Variants in ATP7A observed in about 807,000 individuals in gnomAD.
ATP7A encodes the protein ATPase copper transporting alpha.
ATP7A carries 7 observed loss-of-function variants against 83.5 expected under a neutral mutation model. That is an observed-to-expected ratio of 0.08 (90% CI 0.05 to 0.16). The LOEUF (loss-of-function observed/expected upper bound fraction) is 0.16, where lower values mean the gene tolerates loss of function less well. Ranked by LOEUF, ATP7A falls within the 10% of genes least tolerant of loss-of-function variation. The pLI is 1.00. For missense variants in ATP7A, 940 were observed against 1,120.8 expected, an observed-to-expected ratio of 0.84 and a Z score of 2.30; for synonymous variants, 354 against 395.2, an observed-to-expected ratio of 0.90 and a Z score of 1.24.
intron 10 of ATP7A, 46 bp from the exon 11 acceptor site, chrX:78,014,616 A>T (rs782263151): frequency 9.7e-6 from 10 of 1,032,735 alleles, no homozygotes; most frequent in Non-Finnish European, 1.4e-5. Flanking sequence ...TAAGACCTGA[A>T]CTTTTTCTTC....
At chrX:78,026,867 G>A (rs1431291715) in intron 14 of ATP7A, among the ~76,000 whole-genome samples, 8 of 111,530 alleles carry the variant, frequency 7.2e-5, no homozygotes, top group Non-Finnish European at 1.5e-4. Context: ...AATGCATTTC[G>A]GCCGGGCGCG....
At chrX:77,949,807 T>C (rs1329641788) in intron 1 of ATP7A, among the ~76,000 whole-genome samples, 1 of 112,276 alleles carries the variant, frequency 8.9e-6, no homozygotes, top group Non-Finnish European at 1.9e-5. Flanking sequence ...ATCTACATCA[T>C]TGTTTTTAAG....
At chrX:77,910,915 T>G (rs1482527980) in intron 1 of ATP7A, 80 bp downstream of exon 1, 1 of 111,949 alleles carries the variant, frequency 8.9e-6, no homozygotes, top group African/African-American at 3.3e-5. Context: ...ACGAGTGTGG[T>G]GAGAAGGTCA....
Position 77,959,979 on chromosome X carries a change from C to T in ATP7A, c.-21-11642C>T, listed in dbSNP as rs146310467. 9.6e-3 allele frequency among the ~76,000 whole-genome samples: 1,076 copies of T among 112,213 alleles called. 6 individuals carry two copies. Among genetic ancestry groups the T allele is most frequent in the South Asian group, 0.05 (136 of 2,709 alleles). ...AGATCCTGTTTCTCCATATCCTCACCGACACTTGGTATTGTCAGATTTTGA... is the reference window on the plus strand; with the variant it reads ...AGATCCTGTTTCTCCATATCCTCACTGACACTTGGTATTGTCAGATTTTGA... On this transcript the variant is annotated intron_variant, in intron 1 of 22. Coordinates refer to ENST00000341514, the MANE Select transcript of ATP7A (RefSeq NM_000052.7).
chrX:78,040,992 G>A (rs1331150629), intron 19 of ATP7A, among the ~76,000 whole-genome samples: 7 of 111,203 alleles, frequency 6.3e-5, no homozygotes, highest in Admixed American at 5.8e-4. Flanking sequence ...TGTGCCCTTT[G>A]AAATGTTGCT....
chrX:78,040,540 C>G, intron 18 of ATP7A, 51 bp from the exon 19 acceptor site: 1 of 1,176,708 alleles, frequency 8.5e-7, no homozygotes, highest in South Asian at 1.8e-5. Context: ...AAATGTTATT[C>G]TCCTTTCACT....
rs782232632 is a variant in ATP7A at position 78,046,419 on chromosome X, G to A, written c.4352G>A (p.Gly1451Asp). 5.8e-6 allele frequency: 7 copies of A among 1,209,698 alleles called. No individual in the cohort carries two copies. The highest frequency in any genetic ancestry group is 1.8e-5 in the South Asian group (1 of 56,793). ...ACCTCAAGGAATTCTCCTAAACTGG[G>A]TTTGCTGGACCGGATTGTTAATTAT... Reference protein sequence around the residue: ...DDTSRNSPKLGLLDRIVNYSR... With the variant: ...DDTSRNSPKLDLLDRIVNYSR... The change falls in exon 23 of 23, where the codon GGT becomes GAT. Residue 1451 changes from glycine (G) to aspartate (D), a missense_variant. This residue lies in a region of ATP7A where 386 missense variants were observed against 502.2 expected (regional missense o/e 0.77). Transcript: ENST00000341514.
In ATP7A at chrX:77,971,570, A is replaced by G. The variant is rs1557229664; in HGVS notation, c.-21-51A>G. 3 of 1,153,764 alleles carry G rather than the reference A, an allele frequency of 2.6e-6. No individual in the cohort carries two copies. In the Admixed American group the frequency reaches 6.5e-5, roughly 25 times the overall value. On this transcript the variant is annotated intron_variant, in intron 1 of 22. Transcript: ENST00000341514. The stretch of plus-strand genomic sequence containing the variant: ...AATTGGGGAGGTGGGGGAAAAGTTG[A>G]GGAAAGATTATTTGCATGGCTGAAA...
In ATP7A at chrX:77,998,555, A is replaced by G. The variant is rs2149087825; in HGVS notation, c.1414A>G (p.Thr472Ala). The G allele has an allele frequency of 2.5e-6, 3 of 1,211,843 alleles. No homozygotes were observed. Among genetic ancestry groups the G allele is most frequent in the Non-Finnish European group, 3.4e-6 (3 of 895,396 alleles). The change falls in exon 5 of 23, where the codon ACT (threonine) becomes GCT (alanine). Residue 472 changes from threonine to alanine, a missense_variant. By Grantham distance (58) the Thr-to-Ala change is moderately conservative. Transcript: ENST00000341514. ...PLLTSTNEFY[T>A]KGMTPVQDKE... ...TTTGACTTCAACTAATGAATTTTAT[A>G]CTAAAGGGATGACACCAGTTCAAGA...
intron 2 of ATP7A, among the ~76,000 whole-genome samples, chrX:77,977,044 C>T (rs1330575802): frequency 1.8e-5 from 2 of 111,642 alleles, no homozygotes; most frequent in Non-Finnish European, 3.8e-5. Flanking sequence ...AATTATTTTA[C>T]GTATTTATCT....
In ATP7A at chrX:77,969,382, C is replaced by T. The variant is rs62621209; in HGVS notation, c.-21-2239C>T. The T allele has an allele frequency of 0.056, 67,216 of 1,205,949 alleles. 1,571 individuals carry two copies. The highest frequency in any genetic ancestry group is 0.066 in the Non-Finnish European group (58,605 of 892,841). ...ACCCCCATAGTGCCGCTCATTGAGGCGCCAAGTCCTCACCACTGGCAGCCA... is the reference window on the plus strand; with the variant it reads ...ACCCCCATAGTGCCGCTCATTGAGGTGCCAAGTCCTCACCACTGGCAGCCA... On this transcript the variant is annotated intron_variant, in intron 1 of 22. Coordinates refer to ENST00000341514, the MANE Select transcript of ATP7A (RefSeq NM_000052.7).
intron 3 of ATP7A, 109 bp downstream of exon 3, chrX:77,988,840 C>A: frequency 1.0e-6 from 1 of 960,207 alleles, no homozygotes; most frequent in Non-Finnish European, 1.5e-6. Flanking sequence ...GACTAGAGTG[C>A]TTGCTGTATC....
chrX:78,033,003 TA>T (rs1251788158), intron 16 of ATP7A, among the ~76,000 whole-genome samples: 1 of 112,477 alleles, frequency 8.9e-6, no homozygotes, highest in Non-Finnish European at 1.9e-5. Flanking sequence ...ACTATGGAGT[TA>T]AAAATTTAAT....
intron 1 of ATP7A, among the ~76,000 whole-genome samples, chrX:77,929,638 T>C (rs1557223967): frequency 9.5e-6 from 1 of 105,099 alleles, no homozygotes; most frequent in Non-Finnish European, 2.0e-5. Flanking sequence ...TTCTTTTTCT[T>C]TTTTTTTTTT....
At chrX:77,983,700 G>A (rs1215163682) in intron 2 of ATP7A, among the ~76,000 whole-genome samples, 1 of 111,380 alleles carries the variant, frequency 9.0e-6, no homozygotes, top group Non-Finnish European at 1.9e-5. Context: ...TATTTTCAGA[G>A]GAACTTTTTT....
chrX:77,990,771 A>G (rs782506005), intron 4 of ATP7A, among the ~76,000 whole-genome samples: 1 of 112,098 alleles, frequency 8.9e-6, no homozygotes, highest in Non-Finnish European at 1.9e-5. Flanking sequence ...AAAATGCCCA[A>G]ATGAAATTTT....
At chrX:77,965,517 C>A (rs2077499660) in intron 1 of ATP7A, 2 of 274,469 alleles carry the variant, frequency 7.3e-6, no homozygotes, top group Non-Finnish European at 1.4e-5. Context: ...TAATAGGTAT[C>A]GGAGGTGGAA....
At chrX:78,010,710 G>C (rs782112672) in intron 7 of ATP7A, among the ~76,000 whole-genome samples, 1 of 105,794 alleles carries the variant, frequency 9.5e-6, no homozygotes, top group South Asian at 4.4e-4. Context: ...TTCCCGAGCA[G>C]CTGGGATTAC....
intron 1 of ATP7A, among the ~76,000 whole-genome samples, chrX:77,915,790 G>A (rs1316738517): frequency 3.6e-5 from 4 of 111,741 alleles, no homozygotes; most frequent in Non-Finnish European, 7.5e-5. Flanking sequence ...GCACGATCTC[G>A]GCTCACTGCA....
Sources: gnomAD v4.1 joint callset for allele counts (sites outside exome capture counted in the v4.1 genomes callset) on GRCh38, gnomAD v4.1.1 for gene constraint, gnomAD v4.1.1 regional missense constraint, MANE v1.5 for transcripts, NCBI Gene and HGNC (gene_info 2026-07-23, HGNC 2026-07-21) for gene names.